Variants in KLC2 observed in about 807,000 individuals in gnomAD.
The protein encoded by KLC2 is KLC 2.
A neutral mutation model predicts 75.1 loss-of-function variants in KLC2; 35 were observed. That is an observed-to-expected ratio of 0.47 (90% CI 0.36 to 0.62). The LOEUF is 0.62. KLC2 is among the 20% of genes least tolerant of loss of function. The pLI, the probability that KLC2 is intolerant of heterozygous loss-of-function variation, is 0.00. For missense variants in KLC2, 611 were observed against 833.2 expected (o/e 0.73, Z 3.28); for synonymous variants, 314 against 336.7 (o/e 0.93, Z 0.74).
intron 5 of KLC2, 114 bp downstream of exon 5, chr11:66,263,150 T>C: frequency 1.4e-6 from 1 of 719,096 alleles, no homozygotes; most frequent in Non-Finnish European, 2.4e-6. Context: ...GGAGCTGGGC[T>C]ACAGATGCAA....
chr11:66,266,378 C>A, intron 14 of KLC2, 55 bp from the exon 15 acceptor site: 1 of 1,539,834 alleles, frequency 6.5e-7, no homozygotes, highest in South Asian at 1.2e-5. Flanking sequence ...TCTCCCTGCC[C>A]CCATCTCCCG....
chr11:66,252,805 T>C (rs576941651), upstream of KLC2, among the ~76,000 whole-genome samples: 5 of 152,076 alleles, frequency 3.3e-5, no homozygotes, highest in African/African-American at 1.2e-4. Flanking sequence ...AGGGTGCAGA[T>C]TTGCCATAAG....
chr11:66,262,492 T>C, intron 4 of KLC2: 1 of 549,208 alleles, frequency 1.8e-6, no homozygotes, highest in Non-Finnish European at 3.3e-6. Context: ...AGGAGGCACA[T>C]GCAGACAGCC....
intron 2 of KLC2, 127 bp downstream of exon 2, chr11:66,258,949 C>A: frequency 1.5e-6 from 1 of 656,134 alleles, no homozygotes; most frequent in Non-Finnish European, 2.6e-6. Context: ...ATGTTAGGAC[C>A]CCAGTAAATA....
rs1286638070 is a variant in KLC2, at chr11:66,267,285, G to A, written c.*329G>A. On this transcript the variant is annotated 3_prime_UTR_variant, in exon 16 of 16. Coordinates refer to ENST00000394067, the MANE Select transcript of KLC2 (RefSeq NM_001318734.2). ...GAGCCAAGAACACTAAGCACTCGCC[G>A]GCCCTTCGGCACCCTCGCCCTCCCT... 7.3e-6 allele frequency: 8 copies of A among 1,094,042 alleles called. No homozygotes were observed. The highest frequency in any genetic ancestry group is 1.3e-5 in the South Asian group (1 of 74,928). The allele number at this position is 1,094,042 out of a possible 1,614,324, so 67.8% of individuals were successfully genotyped here.
upstream of KLC2, among the ~76,000 whole-genome samples, chr11:66,253,893 C>T (rs1298812574): frequency 6.6e-6 from 1 of 152,230 alleles, no homozygotes; most frequent in African/African-American, 2.4e-5. Context: ...CAGGAACCTG[C>T]ACAAGTCACA....
intron 1 of KLC2, 129 bp from the exon 2 acceptor site, chr11:66,258,455 C>T (rs1856163907): frequency 9.4e-6 from 6 of 636,802 alleles, no homozygotes; most frequent in Middle Eastern, 4.3e-4. Flanking sequence ...ACGGTGCGGG[C>T]TGCCGGCTGG....
chr11:66,266,580 C>T (rs1052378679), intron 15 of KLC2, 90 bp downstream of exon 15: 2 of 1,315,174 alleles, frequency 1.5e-6, no homozygotes, highest in Non-Finnish European at 2.2e-6. Flanking sequence ...CCTCTTCATC[C>T]AGCAACAGTT....
chr11:66,252,955 T>C (rs1234253611), upstream of KLC2, among the ~76,000 whole-genome samples: 1 of 151,212 alleles, frequency 6.6e-6, no homozygotes, highest in Non-Finnish European at 1.5e-5. Context: ...TGGGGAGACA[T>C]GGTCTTTAAG....
At chr11:66,255,684 G>A (rs976274136), upstream of KLC2, among the ~76,000 whole-genome samples, 5 of 151,960 alleles carry the variant, frequency 3.3e-5, no homozygotes, top group East Asian at 5.8e-4. Flanking sequence ...AGTTGCTTCC[G>A]GAGAGGGGGG....
At chr11:66,247,865 TG>T in the KLC2 span, among the ~76,000 whole-genome samples, 2 of 152,212 alleles carry the variant, frequency 1.3e-5, no homozygotes, top group Admixed American at 6.5e-5. Context: ...ACATTTTAAC[TG>T]ATGCCTTAGC....
the KLC2 span, chr11:66,244,963 G>GT: frequency 6.6e-6 from 1 of 152,336 alleles, no homozygotes; most frequent in Non-Finnish European, 1.5e-5. Flanking sequence ...CCAAAAGCCC[G>GT]TTTTTCCCCA....
the KLC2 span, chr11:66,243,949 C>G: frequency 3.9e-5 from 6 of 152,352 alleles, no homozygotes; most frequent in African/African-American, 1.2e-4. Flanking sequence ...CTCCCAGTCT[C>G]CCCCCACCAC....
At chr11:66,254,798 G>A (rs556536777), upstream of KLC2, among the ~76,000 whole-genome samples, 13 of 151,892 alleles carry the variant, frequency 8.6e-5, no homozygotes, top group African/African-American at 2.2e-4. Flanking sequence ...GGTGGCATGC[G>A]CCTGTAGTCC....
chr11:66,248,341 C>T, the KLC2 span, among the ~76,000 whole-genome samples: 2 of 152,114 alleles, frequency 1.3e-5, no homozygotes, highest in Non-Finnish European at 2.9e-5. Context: ...CTATTTTGGC[C>T]GGGCACGGTG....
upstream of KLC2, among the ~76,000 whole-genome samples, chr11:66,257,062 A>G (rs1267216584): frequency 6.6e-6 from 1 of 152,062 alleles, no homozygotes; most frequent in Non-Finnish European, 1.5e-5. Context: ...GACACAAGGG[A>G]GCAGCCTTCT....
chr11:66,254,778 T>C (rs1855990371), upstream of KLC2, among the ~76,000 whole-genome samples: 2 of 150,392 alleles, frequency 1.3e-5, no homozygotes, highest in Admixed American at 1.3e-4. Flanking sequence ...ACACAAAAAT[T>C]AGCCAGTGTG....
Position 66,260,463 on chromosome 11 carries a change from C to T in KLC2, c.229-1279C>T, listed in dbSNP as rs982529598. Among the ~76,000 whole-genome samples, 3 of 152,312 alleles carry T rather than the reference C, an allele frequency of 2.0e-5. No individual in the cohort carries two copies. The East Asian group carries it at 5.8e-4, about 29-fold the overall frequency. On this transcript the variant is annotated intron_variant, in intron 2 of 15. Transcript: ENST00000394067. ...TGGAGACACAACTGCAGAAATGATC[C>T]TGAACCGGGAAGGACTGGGAAAGGG...
At chr11:66,264,774 C>T in intron 9 of KLC2, 1 of 588,314 alleles carries the variant, frequency 1.7e-6, no homozygotes, top group Non-Finnish European at 3.0e-6. Flanking sequence ...GTCATCTGCT[C>T]CTGAGTCCCT....
Sources: allele counts gnomAD v4.1 joint callset (sites outside exome capture counted in the v4.1 genomes callset), GRCh38; gene constraint gnomAD v4.1.1; transcripts MANE v1.5; gene names NCBI Gene and HGNC (gene_info 2026-07-23, HGNC 2026-07-21).